The following NRG1 variants were observed in gnomAD, a reference collection of about 807,000 sequenced individuals.
NRG1 encodes neuregulin 1, also known as pro-neuregulin-1, membrane-bound isoform.
A neutral mutation model predicts 63.8 loss-of-function variants in NRG1; 18 were observed. That is an observed-to-expected ratio of 0.28 (90% CI 0.19 to 0.42). The LOEUF (loss-of-function observed/expected upper bound fraction) is 0.42. NRG1 is among the 10% of genes least tolerant of loss of function. NRG1 has a pLI of 1.00. For synonymous variants in NRG1, 302 were observed against 301.3 expected (o/e 1.00, Z -0.02); for missense variants, 762 against 814.7 (o/e 0.94, Z 0.79).
intron 1 of NRG1, among the ~76,000 whole-genome samples, chr8:31,900,937 G>A (rs1310925961): frequency 2.6e-5 from 4 of 152,240 alleles, no homozygotes; most frequent in South Asian, 2.1e-4. Flanking sequence ...CTGAAGCCCA[G>A]TAAATGGTTT....
intron 1 of NRG1, among the ~76,000 whole-genome samples, chr8:31,975,384 A>AGGG (rs1808000296): frequency 6.6e-6 from 1 of 152,156 alleles, no homozygotes; most frequent in Admixed American, 6.6e-5. Flanking sequence ...GAACTGGGGA[A>AGGG]GGGGTTATGT....
intron 1 of NRG1, among the ~76,000 whole-genome samples, chr8:32,282,320 A>C (rs1163778819): frequency 1.3e-5 from 2 of 152,194 alleles, no homozygotes; most frequent in African/African-American, 4.8e-5. Context: ...TTCCACTCTG[A>C]ATATGAAGGG....
chr8:32,034,815 G>A lies in NRG1; in HGVS notation c.37+395384G>A, dbSNP rs185180566. 2.5e-4 allele frequency among the ~76,000 whole-genome samples: 38 copies of A among 151,922 alleles called. No individual in the cohort carries two copies. In the East Asian group the frequency reaches 6.4e-3, roughly 26 times the overall value. The stretch of plus-strand genomic sequence containing the variant: ...TGATATCCCTTTATCATTTTTCATT[G>A]TGTCTATTTGATTTTCTCTCTTTTC... On this transcript the variant is annotated intron_variant, in intron 1 of 10. Transcript: ENST00000519301.
intron 1 of NRG1, among the ~76,000 whole-genome samples, chr8:31,719,137 T>C (rs1314750771): frequency 6.6e-6 from 1 of 152,194 alleles, no homozygotes; most frequent in African/African-American, 2.4e-5. Context: ...ATTTCTTTTC[T>C]TTCTAGTCTA....
chr8:32,728,941 G>A lies in NRG1; in HGVS notation c.632+863G>A, dbSNP rs1254508932. 2.6e-5 allele frequency among the ~76,000 whole-genome samples: 4 copies of A among 152,072 alleles called. No individual in the cohort carries two copies. In the South Asian group the frequency reaches 8.3e-4, roughly 32 times the overall value. ...AAATTAGCTGGGCGTGGTGGCACAC[G>A]CCTGTAGTCCCAGCTACTCGGGAGG... On this transcript the variant is annotated intron_variant, in intron 6 of 11. Coordinates refer to ENST00000356819, the Ensembl canonical transcript of NRG1.
At chr8:32,058,698 G>A (rs1211898106) in intron 1 of NRG1, among the ~76,000 whole-genome samples, 1 of 151,938 alleles carries the variant, frequency 6.6e-6, no homozygotes, top group Non-Finnish European at 1.5e-5. Flanking sequence ...ATTTATACTT[G>A]ACTCTCCTTC....
chr8:32,756,290 A>G, intron 8 of NRG1, 113 bp from the exon 9 acceptor site: 1 of 1,182,686 alleles, frequency 8.5e-7, no homozygotes, highest in South Asian at 1.6e-5. Context: ...CCTCTTCCTC[A>G]TCACCAGTCT....
intron 1 of NRG1, among the ~76,000 whole-genome samples, chr8:31,799,958 G>A (rs73590193): frequency 0.16 from 23,698 of 152,032 alleles, 2,146 homozygotes; most frequent in Non-Finnish European, 0.19. Context: ...ATAGCAACTA[G>A]AGCTACTTTA....
chr8:32,666,503 G>T (rs1795325027), intron 5 of NRG1, among the ~76,000 whole-genome samples: 1 of 152,138 alleles, frequency 6.6e-6, no homozygotes, highest in African/African-American at 2.4e-5. Context: ...GGAAAAAAAA[G>T]AGCGTGGTTC....
chr8:32,732,223 T>C (rs1209193064), intron 6 of NRG1, among the ~76,000 whole-genome samples: 1 of 152,142 alleles, frequency 6.6e-6, no homozygotes, highest in African/African-American at 2.4e-5. Context: ...CTATTCCAGA[T>C]TATAAAAAGA....
At chr8:32,327,785 ATTAG>A in intron 1 of NRG1, among the ~76,000 whole-genome samples, 1 of 152,220 alleles carries the variant, frequency 6.6e-6, no homozygotes, top group Non-Finnish European at 1.5e-5. Flanking sequence ...AGGAAGCCTT[ATTAG>A]GTGGTGAGAT....
At chr8:31,871,368 C>T (rs572015167) in intron 1 of NRG1, among the ~76,000 whole-genome samples, 10 of 152,202 alleles carry the variant, frequency 6.6e-5, no homozygotes, top group Non-Finnish European at 1.0e-4. Context: ...TTGCTTGTTG[C>T]GTTGCCATAA....
intron 1 of NRG1, among the ~76,000 whole-genome samples, chr8:32,033,620 T>C (rs1818607815): frequency 6.6e-6 from 1 of 152,220 alleles, no homozygotes; most frequent in African/African-American, 2.4e-5. Flanking sequence ...CTCTCTTTTT[T>C]CCTTGAACAT....
chr8:31,946,920 C>G (rs1802634824), intron 1 of NRG1, among the ~76,000 whole-genome samples: 1 of 152,208 alleles, frequency 6.6e-6, no homozygotes, highest in African/African-American at 2.4e-5. Context: ...CATATTGTTT[C>G]TCTGCACATA....
At chr8:31,741,247 AACCT>A (rs976758378) in intron 1 of NRG1, among the ~76,000 whole-genome samples, 7 of 152,042 alleles carry the variant, frequency 4.6e-5, no homozygotes, top group African/African-American at 1.7e-4. Flanking sequence ...GAGGGTTGAA[AACCT>A]ACCTATGAAG....
At chr8:32,295,417 T>G (rs10503903) in intron 1 of NRG1, among the ~76,000 whole-genome samples, 8,245 of 152,192 alleles carry the variant, frequency 0.054, 268 homozygotes, top group South Asian at 0.07. Flanking sequence ...GAAAATTGCT[T>G]TACAATAATC....
chr8:31,799,906 C>T (rs993488212), intron 1 of NRG1, among the ~76,000 whole-genome samples: 3 of 152,070 alleles, frequency 2.0e-5, no homozygotes, highest in Admixed American at 6.5e-5. Flanking sequence ...AGAGGTCAAT[C>T]TGAATAAGAT....
chr8:32,655,241 C>T (rs1292332997), intron 5 of NRG1, among the ~76,000 whole-genome samples: 1 of 152,016 alleles, frequency 6.6e-6, no homozygotes. Flanking sequence ...TTTAGGGGAA[C>T]CTTATGAAAA....
chr8:31,719,693 T>C (rs1162031086), intron 1 of NRG1, among the ~76,000 whole-genome samples: 1 of 152,168 alleles, frequency 6.6e-6, no homozygotes, highest in Non-Finnish European at 1.5e-5. Flanking sequence ...TTAGTATTGA[T>C]GTAAAAGATG....
Sources: gnomAD v4.1 joint callset for allele counts (sites outside exome capture counted in the v4.1 genomes callset) on GRCh38, gnomAD v4.1.1 for gene constraint, MANE v1.5 for transcripts, NCBI Gene and HGNC (gene_info 2026-07-23, HGNC 2026-07-21) for gene names.